GRIA4: variants seen among roughly 807,000 people sequenced by gnomAD.
GRIA4 encodes glutamate ionotropic receptor AMPA type subunit 4, also known as glutamate receptor 4.
GRIA4 carries 34 observed loss-of-function variants against 104.0 expected under a neutral mutation model. The observed-to-expected ratio is 0.33, with a 90% CI of 0.25 to 0.44. The LOEUF is 0.44. Ranked by LOEUF, GRIA4 falls within the 20% of genes least tolerant of loss-of-function variation. The pLI, the probability that GRIA4 is intolerant of heterozygous loss-of-function variation, is 1.00. For synonymous variants in GRIA4, 386 were observed against 381.9 expected (o/e 1.01, Z -0.13); for missense variants, 750 against 1,096.5 (o/e 0.68, Z 4.46).
In GRIA4 at chr11:105,979,708, G is replaced by A. The variant is rs1859180347; in HGVS notation, c.2678G>A (p.Gly893Glu). The change falls in exon 17 of 17, where the codon GGA becomes GAA. Residue 893 changes from glycine to glutamate, a missense_variant. Gly to Glu is a moderately conservative substitution (Grantham distance 98). Coordinates refer to ENST00000282499, the MANE Select transcript of GRIA4 (RefSeq NM_000829.4). ...HTGTAIRQSSGLAVIASDLP is the reference protein window; with the variant it reads ...HTGTAIRQSSELAVIASDLP ...GGAACTGCAATCAGACAAAGTTCAGGATTGGCTGTCATTGCATCGGACCTA... is the reference window on the plus strand; with the variant it reads ...GGAACTGCAATCAGACAAAGTTCAGAATTGGCTGTCATTGCATCGGACCTA... The A allele has an allele frequency of 6.2e-7, 1 of 1,613,910 alleles. No individual in the cohort carries two copies.
chr11:105,691,393 G>T (rs761120660), intron 3 of GRIA4, among the ~76,000 whole-genome samples: 1 of 152,084 alleles, frequency 6.6e-6, no homozygotes, highest in African/African-American at 2.4e-5. Flanking sequence ...AGACAATGTA[G>T]TCTGTTTACT....
intron 14 of GRIA4, among the ~76,000 whole-genome samples, chr11:105,950,921 G>T (rs1471770394): frequency 6.6e-6 from 1 of 152,066 alleles, no homozygotes; most frequent in Non-Finnish European, 1.5e-5. Context: ...AAGGTATCCT[G>T]GTACTGTAGG....
intron 6 of GRIA4, among the ~76,000 whole-genome samples, chr11:105,888,650 C>T (rs1378601468): frequency 6.6e-6 from 1 of 151,366 alleles, no homozygotes; most frequent in Admixed American, 6.6e-5. Context: ...AGGAAAGAAA[C>T]TAAAGGATGC....
At chr11:105,852,926 G>C (rs1309588784) in intron 4 of GRIA4, among the ~76,000 whole-genome samples, 1 of 148,490 alleles carries the variant, frequency 6.7e-6, no homozygotes, top group African/African-American at 2.5e-5. Context: ...GAATGGTTTT[G>C]GCTTTGTGTA....
At chr11:105,680,652 T>A (rs1311065819) in intron 3 of GRIA4, among the ~76,000 whole-genome samples, 2 of 152,048 alleles carry the variant, frequency 1.3e-5, no homozygotes, top group Admixed American at 6.6e-5. Flanking sequence ...CTGTGCTTTT[T>A]AAAAAAATAT....
intron 4 of GRIA4, among the ~76,000 whole-genome samples, chr11:105,828,806 C>T (rs1447835009): frequency 6.6e-6 from 1 of 151,920 alleles, no homozygotes; most frequent in African/African-American, 2.4e-5. Flanking sequence ...TCCTCATAGC[C>T]TTATATCTTT....
chr11:105,822,100 G>T (rs1301185474), intron 4 of GRIA4, among the ~76,000 whole-genome samples: 1 of 152,138 alleles, frequency 6.6e-6, no homozygotes, highest in Non-Finnish European at 1.5e-5. Context: ...CTGTGCCTTT[G>T]TAGACGTAGG....
intron 3 of GRIA4, among the ~76,000 whole-genome samples, chr11:105,731,268 A>T (rs1475984126): frequency 6.6e-6 from 1 of 152,194 alleles, no homozygotes; most frequent in Non-Finnish European, 1.5e-5. Flanking sequence ...CAACAAACAT[A>T]TGCAAAAAGC....
At chr11:105,755,461 T>C (rs1940249393) in intron 4 of GRIA4, among the ~76,000 whole-genome samples, 2 of 152,170 alleles carry the variant, frequency 1.3e-5, no homozygotes, top group Admixed American at 1.3e-4. Context: ...ATTCTTTTGT[T>C]CTTTCCCATT....
chr11:105,946,691 A>G (rs562951769), intron 14 of GRIA4, among the ~76,000 whole-genome samples: 1 of 152,252 alleles, frequency 6.6e-6, no homozygotes, highest in South Asian at 2.1e-4. Context: ...ACCAGCTTCT[A>G]GATCCTATTC....
chr11:105,798,900 C>G (rs582570), intron 4 of GRIA4, among the ~76,000 whole-genome samples: 69,036 of 151,914 alleles, frequency 0.45, 16,093 homozygotes, highest in Middle Eastern at 0.52. Context: ...ATTAAACCTC[C>G]TACTGAACAT....
At position 105,974,536 on chromosome 11, in the gene GRIA4, C is replaced by T. The variant is rs374156269; in HGVS notation, c.2544+92C>T. On this transcript the variant is annotated intron_variant, in intron 16 of 16. Coordinates refer to ENST00000282499, the MANE Select transcript of GRIA4 (RefSeq NM_000829.4). ...AGAGAAGGTTACAACGTATATGGAA[C>T]CGAAAGTATTAAAATTTAGGGGTAG... 2.5e-6 allele frequency: 4 copies of T among 1,613,410 alleles called. No individual in the cohort carries two copies. The highest frequency in any genetic ancestry group is 1.7e-5 in the Admixed American group (1 of 59,930).
At chr11:105,920,670 C>T (rs925752926) in intron 11 of GRIA4, among the ~76,000 whole-genome samples, 3 of 152,064 alleles carry the variant, frequency 2.0e-5, no homozygotes, top group African/African-American at 7.2e-5. Context: ...TTATGTCAGT[C>T]CTATACATGT....
chr11:105,768,319 G>T (rs945563685), intron 4 of GRIA4, among the ~76,000 whole-genome samples: 5 of 152,046 alleles, frequency 3.3e-5, no homozygotes, highest in Admixed American at 2.6e-4. Context: ...AAAAACATCT[G>T]TGTATGGATA....
chr11:105,634,499 AAGAAAG>A (rs1951143706), intron 3 of GRIA4, among the ~76,000 whole-genome samples: 2 of 68,764 alleles, frequency 2.9e-5, no homozygotes, highest in African/African-American at 8.6e-5. Context: ...GAAAGAAAGA[AAGAAAG>A]AAAGAAAGAA....
intron 3 of GRIA4, among the ~76,000 whole-genome samples, chr11:105,644,791 T>C (rs938728127): frequency 1.3e-5 from 2 of 152,244 alleles, no homozygotes; most frequent in African/African-American, 2.4e-5. Context: ...CACTGTTACA[T>C]CACAATATGT....
At chr11:105,839,376 T>A (rs1944307887) in intron 4 of GRIA4, among the ~76,000 whole-genome samples, 1 of 152,006 alleles carries the variant, frequency 6.6e-6, no homozygotes, top group Non-Finnish European at 1.5e-5. Flanking sequence ...CCATTATGTT[T>A]ACTGAAATAA....
chr11:105,831,754 G>A (rs1943985544), intron 4 of GRIA4, among the ~76,000 whole-genome samples: 1 of 152,028 alleles, frequency 6.6e-6, no homozygotes, highest in Admixed American at 6.6e-5. Context: ...AGGGGAGCAA[G>A]TGGTGGAGCT....
At chr11:105,611,147 T>A in intron 2 of GRIA4, 62 bp downstream of exon 2, 1 of 1,161,204 alleles carries the variant, frequency 8.6e-7, no homozygotes, top group Non-Finnish European at 1.3e-6. Flanking sequence ...GAAAGTGAGT[T>A]AAATGAGTTG....
Sources: allele counts gnomAD v4.1 joint callset (sites outside exome capture counted in the v4.1 genomes callset), GRCh38; gene constraint gnomAD v4.1.1; transcripts MANE v1.5; gene names NCBI Gene and HGNC (gene_info 2026-07-23, HGNC 2026-07-21).